The following CCDC91 variants were observed in gnomAD, a reference collection of about 807,000 sequenced individuals.
CCDC91 encodes coiled-coil domain containing 91.
In CCDC91, 48 loss-of-function variants were observed where a neutral mutation model predicts 63.2. The ratio of observed to expected loss-of-function variants is 0.76; its 90% CI spans 0.60 to 0.97. The LOEUF (loss-of-function observed/expected upper bound fraction) is 0.97. Among genes scored for constraint, CCDC91 ranks in the 50% least tolerant of loss-of-function variants. The probability of loss-of-function intolerance (pLI) is 0.00; values close to 1 mark genes in which losing one functional copy is unlikely to be tolerated. For missense variants in CCDC91, 500 were observed against 494.6 expected, an observed-to-expected ratio of 1.01 and a Z score of -0.10; for synonymous variants, 167 against 165.8, an observed-to-expected ratio of 1.01 and a Z score of -0.06.
At chr12:28,235,257 T>C (rs1287629594) in intron 1 of CCDC91, among the ~76,000 whole-genome samples, 1 of 152,178 alleles carries the variant, frequency 6.6e-6, no homozygotes, top group Non-Finnish European at 1.5e-5. Flanking sequence ...GGAGGAGACA[T>C]AGACTGCTTC....
intron 8 of CCDC91, among the ~76,000 whole-genome samples, chr12:28,406,380 G>T (rs1241163337): frequency 6.6e-6 from 1 of 152,064 alleles, no homozygotes; most frequent in African/African-American, 2.4e-5. Flanking sequence ...GTTATTAGCA[G>T]TAGAGACCTA....
intron 8 of CCDC91, among the ~76,000 whole-genome samples, chr12:28,398,379 G>T (rs1300552195): frequency 1.3e-5 from 2 of 151,902 alleles, no homozygotes; most frequent in Non-Finnish European, 2.9e-5. Flanking sequence ...CCCTTTGATT[G>T]CTAAGTAGTA....
At chr12:28,503,900 A>G (rs1473810182) in intron 12 of CCDC91, among the ~76,000 whole-genome samples, 1 of 151,760 alleles carries the variant, frequency 6.6e-6, no homozygotes, top group East Asian at 1.9e-4. Context: ...ACACATGGAC[A>G]CAGGAAGAGG....
At position 28,488,814 on chromosome 12, in the gene CCDC91, T is replaced by G. The variant is rs1592825154; in HGVS notation, c.1215+4649T>G. On this transcript the variant is annotated intron_variant, in intron 12 of 12. Transcript: ENST00000536442. The stretch of plus-strand genomic sequence containing the variant: ...GCAAGGTACCTGCAAGTACAGTGAT[T>G]TGCATTGAAAGACCATATTGTATTT... 3.9e-5 allele frequency among the ~76,000 whole-genome samples: 6 copies of G among 152,076 alleles called. No individual in the cohort carries two copies. The South Asian group carries it at 1.2e-3, about 31-fold the overall frequency.
At chr12:28,278,319 A>G (rs1473872561) in intron 3 of CCDC91, among the ~76,000 whole-genome samples, 2 of 151,774 alleles carry the variant, frequency 1.3e-5, no homozygotes, top group African/African-American at 4.8e-5. Context: ...TCCTCTTAAC[A>G]ATTGTTTTTA....
rs373134119 is a variant in CCDC91 at position 28,476,341 on chromosome 12, A to G, written c.1102-7711A>G. 3.7e-4 allele frequency among the ~76,000 whole-genome samples: 56 copies of G among 152,278 alleles called. 1 individual carries two copies. The South Asian group carries it at 9.7e-3, about 26-fold the overall frequency. ...AACTCATTCAAAACCGGTCAACTGCATGGAAACTGAACAACCTGCTCCTGA... is the reference window on the plus strand; with the variant it reads ...AACTCATTCAAAACCGGTCAACTGCGTGGAAACTGAACAACCTGCTCCTGA... On this transcript the variant is annotated intron_variant, in intron 11 of 12. Transcript: ENST00000536442.
chr12:28,420,307 CTAGACAGGTT>C (rs1947924170), intron 8 of CCDC91, among the ~76,000 whole-genome samples: 2 of 152,098 alleles, frequency 1.3e-5, no homozygotes, highest in South Asian at 4.1e-4. Flanking sequence ...TGAAACTCTT[CTAGACAGGTT>C]TAGATTAAAT....
At position 28,466,700 on chromosome 12, in the gene CCDC91, A is replaced by G. The variant is rs138734616; in HGVS notation, c.1101+14046A>G. ...TTTATCAACACAGGACCTGTCCTCTATAAGAAATGCTAAAGGGAGTACTTC... is the reference window on the plus strand; with the variant it reads ...TTTATCAACACAGGACCTGTCCTCTGTAAGAAATGCTAAAGGGAGTACTTC... On this transcript the variant is annotated intron_variant, in intron 11 of 12. Transcript: ENST00000536442. 1.5e-4 allele frequency among the ~76,000 whole-genome samples: 23 copies of G among 152,270 alleles called. No homozygotes were observed. In the East Asian group the frequency reaches 3.1e-3, roughly 20 times the overall value.
chr12:28,267,727 T>TATATAA (rs1246338339), intron 3 of CCDC91, among the ~76,000 whole-genome samples: 325 of 28,414 alleles, frequency 0.011, 9 homozygotes, highest in Admixed American at 0.018. Flanking sequence ...ATATATATTA[T>TATATAA]TTATTATATA....
chr12:28,415,433 T>G (rs1168116587), intron 8 of CCDC91, among the ~76,000 whole-genome samples: 3 of 152,036 alleles, frequency 2.0e-5, no homozygotes, highest in Admixed American at 6.6e-5. Context: ...ATGTTGAGAC[T>G]GGTCTCGAAC....
rs1360926276 is a variant in CCDC91 at position 28,203,922 on chromosome 12, A to G, written c.-15+13281A>G. Among the ~76,000 whole-genome samples, 3 of 152,170 alleles carry G rather than the reference A, an allele frequency of 2.0e-5. No homozygotes were observed. In the East Asian group the frequency reaches 5.8e-4, roughly 29 times the overall value. On this transcript the variant is annotated intron_variant, in intron 1 of 12. Transcript: ENST00000536442. The stretch of plus-strand genomic sequence containing the variant: ...TAAACACTGTGTGCTATGCCTGAAC[A>G]TATTACTTGGAGAAATTAGATTTTC...
chr12:28,219,135 C>A (rs529631085), intron 1 of CCDC91, among the ~76,000 whole-genome samples: 1 of 152,132 alleles, frequency 6.6e-6, no homozygotes, highest in South Asian at 2.1e-4. Flanking sequence ...TTTTAAGTAG[C>A]CATTTTAGTA....
intron 12 of CCDC91, among the ~76,000 whole-genome samples, chr12:28,506,162 C>T (rs965152227): frequency 1.1e-4 from 17 of 151,900 alleles, no homozygotes; most frequent in African/African-American, 4.1e-4. Flanking sequence ...GAAACTGAAT[C>T]AGACTAACTT....
chr12:28,325,891 T>C (rs1364752343), intron 6 of CCDC91, among the ~76,000 whole-genome samples: 2 of 152,062 alleles, frequency 1.3e-5, no homozygotes, highest in Non-Finnish European at 2.9e-5. Flanking sequence ...TTTTAAAAAA[T>C]GTATAGACCT....
intron 3 of CCDC91, among the ~76,000 whole-genome samples, chr12:28,284,866 T>G (rs1948818419): frequency 1.3e-5 from 2 of 152,180 alleles, no homozygotes; most frequent in Admixed American, 6.5e-5. Flanking sequence ...CTACCACCTG[T>G]GAAATAGCGT....
intron 12 of CCDC91, among the ~76,000 whole-genome samples, chr12:28,513,499 G>A (rs188712451): frequency 6.6e-6 from 1 of 151,852 alleles, no homozygotes; most frequent in Admixed American, 6.6e-5. Flanking sequence ...AGGATTTTTG[G>A]ATTTGGGATC....
At chr12:28,369,204 C>A (rs1944457337) in intron 7 of CCDC91, among the ~76,000 whole-genome samples, 1 of 152,110 alleles carries the variant, frequency 6.6e-6, no homozygotes, top group Admixed American at 6.5e-5. Context: ...CCTGTAAAAT[C>A]AAAAACAAGT....
At chr12:28,250,395 G>A (rs939239809) in intron 1 of CCDC91, among the ~76,000 whole-genome samples, 2 of 152,028 alleles carry the variant, frequency 1.3e-5, no homozygotes, top group African/African-American at 2.4e-5. Context: ...TCTGCCACTG[G>A]CCAAGTTTCA....
chr12:28,333,415 AT>A (rs1348473072), intron 6 of CCDC91, among the ~76,000 whole-genome samples: 2 of 151,334 alleles, frequency 1.3e-5, no homozygotes, highest in Non-Finnish European at 2.9e-5. Context: ...AAAAAAAAAA[AT>A]TAAATAAACA....
Sources: gnomAD v4.1 joint callset for allele counts (sites outside exome capture counted in the v4.1 genomes callset) on GRCh38, gnomAD v4.1.1 for gene constraint, MANE v1.5 for transcripts, NCBI Gene and HGNC (gene_info 2026-07-23, HGNC 2026-07-21) for gene names.